The following VKORC1L1 variants were observed in gnomAD, a reference collection of about 807,000 sequenced individuals.
VKORC1L1 encodes the protein vitamin K epoxide reductase complex subunit 1-like protein 1.
In VKORC1L1, 2 loss-of-function variants were observed where a neutral mutation model predicts 18.9. The observed-to-expected ratio is 0.11, with a 90% confidence interval of 0.04 to 0.33. The LOEUF (loss-of-function observed/expected upper bound fraction) is 0.33, where lower values mean the gene tolerates loss of function less well. VKORC1L1 is among the 10% of genes least tolerant of loss of function. The pLI is 1.00. For synonymous variants in VKORC1L1, 96 were observed against 100.0 expected (o/e 0.96, Z 0.24); for missense variants, 123 against 224.1 (o/e 0.55, Z 2.88).
rs199511372 is a variant in VKORC1L1, at chr7:65,878,449, CA to C, written c.194+4896del. On this transcript the variant is annotated intron_variant, in intron 1 of 2. Transcript: ENST00000360768. ...GCAATAAGAGGGAAACTCTGTCTTA[CA>C]AAAAAAAAAAAGAACCTAGAAGTAT... 4.4e-3 allele frequency among the ~76,000 whole-genome samples: 609 copies of C among 137,348 alleles called. 4 individuals are homozygous for C. Among genetic ancestry groups the C allele is most frequent in the Non-Finnish European group, 5.7e-3 (361 of 62,864 alleles). The allele number at this position is 137,348 out of a possible 152,430, so 90.1% of individuals were successfully genotyped here. A position where few individuals can be genotyped will look rare whatever the true frequency, so the allele number is the denominator to read the frequency against.
chr7:65,879,681 CCTT>C (rs751820785), intron 1 of VKORC1L1, among the ~76,000 whole-genome samples: 189 of 151,456 alleles, frequency 1.2e-3, no homozygotes, highest in Non-Finnish European at 2.5e-3. Flanking sequence ...CTCCCACCCT[CCTT>C]CTTCCTTTCC....
intron 1 of VKORC1L1, among the ~76,000 whole-genome samples, chr7:65,901,764 T>G (rs2116393701): frequency 1.3e-5 from 2 of 152,190 alleles, no homozygotes; most frequent in East Asian, 3.9e-4. Context: ...AGGAGTCTCC[T>G]GAAATCTGGT....
intron 1 of VKORC1L1, among the ~76,000 whole-genome samples, chr7:65,875,639 G>A (rs865810570): frequency 1.8e-4 from 27 of 151,972 alleles, no homozygotes; most frequent in African/African-American, 5.1e-4. Flanking sequence ...GGATGGTCTC[G>A]ATCTCCTGAC....
At chr7:65,923,023 G>C (rs1339522165) in intron 1 of VKORC1L1, among the ~76,000 whole-genome samples, 5 of 152,112 alleles carry the variant, frequency 3.3e-5, no homozygotes, top group Non-Finnish European at 7.4e-5. Context: ...TGTTTTTGCT[G>C]ATGATAAAGT....
At chr7:65,871,397 T>C (rs150162602), upstream of VKORC1L1, among the ~76,000 whole-genome samples, 929 of 152,244 alleles carry the variant, frequency 6.1e-3, 10 homozygotes, top group African/African-American at 0.021. Context: ...GGTTTCACCA[T>C]GTTGGTCAGC....
At chr7:65,941,565 TAGA>T (rs1482758323) in intron 1 of VKORC1L1, among the ~76,000 whole-genome samples, 1 of 152,104 alleles carries the variant, frequency 6.6e-6, no homozygotes, top group African/African-American at 2.4e-5. Flanking sequence ...TAATATTTTT[TAGA>T]AAGACCCCAG....
chr7:65,929,766 G>A (rs1045079490), intron 1 of VKORC1L1, among the ~76,000 whole-genome samples: 3 of 149,480 alleles, frequency 2.0e-5, no homozygotes, highest in African/African-American at 7.4e-5. Context: ...CTGGGCTCAA[G>A]TGATCCTCCT....
At chr7:65,877,700 A>G (rs1419232163) in intron 1 of VKORC1L1, among the ~76,000 whole-genome samples, 2 of 152,182 alleles carry the variant, frequency 1.3e-5, no homozygotes, top group African/African-American at 4.8e-5. Context: ...GACCCCCTCT[A>G]AGAAGGGTTT....
At chr7:65,898,112 A>C (rs1204966120) in intron 1 of VKORC1L1, among the ~76,000 whole-genome samples, 1 of 119,956 alleles carries the variant, frequency 8.3e-6, no homozygotes, top group Non-Finnish European at 1.7e-5. Context: ...TTTTTGAGAC[A>C]GAGTCTCACT....
intron 1 of VKORC1L1, among the ~76,000 whole-genome samples, chr7:65,923,094 C>T (rs1037649554): frequency 1.2e-4 from 19 of 152,110 alleles, no homozygotes; most frequent in Non-Finnish European, 2.5e-4. Context: ...AATTGATGTG[C>T]TTGTTCGTCT....
chr7:65,924,384 C>T (rs183968679), intron 1 of VKORC1L1, among the ~76,000 whole-genome samples: 8 of 152,330 alleles, frequency 5.3e-5, no homozygotes, highest in African/African-American at 1.7e-4. Flanking sequence ...TAGAATGGCA[C>T]ACTCTATTGA....
chr7:65,910,853 G>A (rs757516110), intron 1 of VKORC1L1, among the ~76,000 whole-genome samples: 1 of 152,106 alleles, frequency 6.6e-6, no homozygotes, highest in Non-Finnish European at 1.5e-5. Flanking sequence ...AAACATTTAT[G>A]GATAAAATAC....
intron 1 of VKORC1L1, among the ~76,000 whole-genome samples, chr7:65,888,380 T>G (rs1789049749): frequency 6.6e-6 from 1 of 152,196 alleles, no homozygotes; most frequent in African/African-American, 2.4e-5. Context: ...GAAATGTTGT[T>G]TTTTTGGAAT....
intron 2 of VKORC1L1, among the ~76,000 whole-genome samples, chr7:65,949,728 G>A (rs1273018761): frequency 6.6e-6 from 1 of 151,094 alleles, no homozygotes; most frequent in African/African-American, 2.4e-5. Context: ...AGGTTGCAGG[G>A]AGCCGAGATC....
At chr7:65,939,433 G>A (rs990588762) in intron 1 of VKORC1L1, among the ~76,000 whole-genome samples, 2 of 152,208 alleles carry the variant, frequency 1.3e-5, no homozygotes, top group African/African-American at 4.8e-5. Flanking sequence ...AGTGGGGATG[G>A]CTATCATGGA....
At position 65,873,180 on chromosome 7, in the gene VKORC1L1, G is replaced by T; in HGVS notation, c.-192G>T. The T allele has an allele frequency of 1.4e-6, 1 of 691,900 alleles. No homozygotes were observed. The highest frequency in any genetic ancestry group is 1.8e-6 in the Non-Finnish European group (1 of 562,930). 42.9% of individuals were successfully genotyped at this position (691,900 alleles called of 1,614,324 possible). A position where few individuals can be genotyped will look rare whatever the true frequency, so the allele number is the denominator to read the frequency against. On this transcript the variant is annotated 5_prime_UTR_variant, in exon 1 of 3. Coordinates refer to ENST00000360768, the MANE Select transcript of VKORC1L1 (RefSeq NM_173517.6). ...CCGTCCGCCTCACTCCTTTTGGGGC[G>T]GTTGGGCCGCGCGCCTGTGGGGGCG...
chr7:65,898,170 C>T (rs1473361460), intron 1 of VKORC1L1, among the ~76,000 whole-genome samples: 3 of 138,494 alleles, frequency 2.2e-5, no homozygotes, highest in African/African-American at 7.8e-5. Context: ...CTCACTGCAA[C>T]CTCTGCCTCC....
chr7:65,866,685 G>C, the VKORC1L1 span, among the ~76,000 whole-genome samples: 1 of 152,178 alleles, frequency 6.6e-6, no homozygotes, highest in African/African-American at 2.4e-5. Flanking sequence ...TGAGGCAGGA[G>C]CATCACTTGA....
chr7:65,905,500 A>G (rs1583838792), intron 1 of VKORC1L1, among the ~76,000 whole-genome samples: 2 of 151,840 alleles, frequency 1.3e-5, no homozygotes, highest in African/African-American at 2.4e-5. Context: ...TAGTAGAGAC[A>G]GGGTTTCACC....
Sources: gnomAD v4.1 joint callset for allele counts (sites outside exome capture counted in the v4.1 genomes callset) on GRCh38, gnomAD v4.1.1 for gene constraint, MANE v1.5 for transcripts, NCBI Gene and HGNC (gene_info 2026-07-23, HGNC 2026-07-21) for gene names.